The following SLC5A1 variants were observed in gnomAD, a reference collection of about 807,000 sequenced individuals.
SLC5A1 encodes solute carrier family 5 member 1.
SLC5A1 carries 42 observed loss-of-function variants against 73.5 expected under a neutral mutation model. The observed-to-expected ratio is 0.57, with a 90% confidence interval of 0.45 to 0.74. The LOEUF (loss-of-function observed/expected upper bound fraction) is 0.74, where lower values mean the gene tolerates loss of function less well. Among genes scored for constraint, SLC5A1 ranks in the 30% least tolerant of loss-of-function variants. The probability of loss-of-function intolerance (pLI) is 0.00; values close to 1 mark genes in which losing one functional copy is unlikely to be tolerated. For missense variants in SLC5A1, 634 were observed against 855.4 expected (o/e 0.74, Z 3.23); for synonymous variants, 300 against 317.4 (o/e 0.95, Z 0.58).
chr22:32,043,384 T>G lies in SLC5A1; in HGVS notation c.103T>G (p.Tyr35Asp). The change falls in exon 1 of 15, where the codon TAC becomes GAC. Residue 35 changes from tyrosine (Y) to aspartate (D), a missense_variant. This residue lies in a region of SLC5A1 where 51 missense variants were observed against 50.5 expected (regional missense o/e 1.01). Coordinates refer to ENST00000266088, the MANE Select transcript of SLC5A1 (RefSeq NM_000343.4). The surrounding 1 kb of genome is among the most constrained non-coding windows in gnomAD (Gnocchi z 6.5). ...AGCCGATATCTCCATCATCGTTATCTACTTCGTGGTAGTGATGGCCGTCGG... is the reference window on the plus strand; with the variant it reads ...AGCCGATATCTCCATCATCGTTATCGACTTCGTGGTAGTGATGGCCGTCGG... Reference protein sequence around the residue: ...NAADISIIVIYFVVVMAVGLW... With the variant: ...NAADISIIVIDFVVVMAVGLW... 6.2e-7 allele frequency: 1 copy of G among 1,614,160 alleles called. No homozygotes were observed. The highest frequency in any genetic ancestry group is 8.5e-7 in the Non-Finnish European group (1 of 1,180,020).
In SLC5A1 at chr22:32,086,257, A is replaced by G. The variant is rs1286517343; in HGVS notation, c.1059A>G (p.Lys353=). 1.2e-6 allele frequency: 2 copies of G among 1,614,108 alleles called. No homozygotes were observed. Among genetic ancestry groups the G allele is most frequent in the Non-Finnish European group, 8.5e-7 (1 of 1,179,948 alleles). Residue 353 remains lysine (K), a synonymous_variant, in exon 10 of 15, where the codon AAA becomes AAG. Transcript: ENST00000266088. The part of the protein sequence containing the change: ...IACVVPSECE[K]YCGTKVGCTN... ...GTGTCGTCCCTTCAGAATGTGAGAA[A>G]TATTGCGGTACCAAGGTTGGCTGTA...
intron 3 of SLC5A1, among the ~76,000 whole-genome samples, chr22:32,067,356 T>TATTATTATTATTA (rs879755326): frequency 9.3e-5 from 11 of 118,278 alleles, no homozygotes; most frequent in South Asian, 2.9e-4. Flanking sequence ...TTATTATTAT[T>TATTATTATTATTA]TTTTTTAAAA....
intron 3 of SLC5A1, among the ~76,000 whole-genome samples, chr22:32,067,278 T>TA (rs2093975183): frequency 6.6e-6 from 1 of 152,212 alleles, no homozygotes; most frequent in Non-Finnish European, 1.5e-5. Flanking sequence ...CTCTTCATGT[T>TA]AAAAAGCCAA....
Position 32,081,956 on chromosome 22 carries a change from C to T in SLC5A1, c.568C>T (p.Leu190Phe). The change falls in exon 6 of 15, where the codon CTT becomes TTT. Residue 190 changes from leucine (L) to phenylalanine (F), a missense_variant. Transcript: ENST00000266088. ...AIFLLLAITA[L>F]YTITGGLAAV... is the part of the protein sequence containing the mutation. ...CTTTCTCTTATTGGCAATCACTGCC[C>T]TTTACACAATTACAGGTGAGTCCAT... The T allele has an allele frequency of 6.2e-7, 1 of 1,609,444 alleles. No individual in the cohort carries two copies. Among genetic ancestry groups the T allele is most frequent in the Non-Finnish European group, 8.5e-7 (1 of 1,175,768 alleles).
chr22:32,085,136 G>A, intron 9 of SLC5A1, 101 bp downstream of exon 9: 3 of 1,407,316 alleles, frequency 2.1e-6, no homozygotes, highest in Non-Finnish European at 2.0e-6. Flanking sequence ...TTTTTTTTGA[G>A]ACCAGGTCTC....
chr22:32,050,060 C>A, intron 2 of SLC5A1, 46 bp downstream of exon 2: 1 of 1,489,720 alleles, frequency 6.7e-7, no homozygotes, highest in Non-Finnish European at 9.4e-7. Flanking sequence ...TTAACTGATA[C>A]TCCCTTTAGG....
intron 13 of SLC5A1, among the ~76,000 whole-genome samples, chr22:32,103,829 C>T (rs2094040586): frequency 6.6e-6 from 1 of 152,150 alleles, no homozygotes; most frequent in Admixed American, 6.5e-5. Context: ...GTTGCAATTA[C>T]TCTTCTTTAA....
intron 2 of SLC5A1, among the ~76,000 whole-genome samples, chr22:32,052,160 G>A (rs534179016): frequency 6.6e-6 from 1 of 152,230 alleles, no homozygotes; most frequent in South Asian, 2.1e-4. Flanking sequence ...CTGATCTTCT[G>A]GTTATTCAGG....
chr22:32,086,957 A>G (rs997440147), intron 10 of SLC5A1, among the ~76,000 whole-genome samples: 2 of 152,250 alleles, frequency 1.3e-5, no homozygotes, highest in Non-Finnish European at 2.9e-5. Context: ...GTCATTTATG[A>G]CAACATAAAT....
chr22:32,077,211 CTTCCTTCT>C (rs2149490545), intron 5 of SLC5A1, among the ~76,000 whole-genome samples: 1 of 150,916 alleles, frequency 6.6e-6, no homozygotes, highest in South Asian at 2.1e-4. Context: ...TCCCTCTTTC[CTTCCTTCT>C]TTCCTTCCTT....
At chr22:32,066,159 C>T (rs1258341661) in intron 2 of SLC5A1, among the ~76,000 whole-genome samples, 1 of 152,146 alleles carries the variant, frequency 6.6e-6, no homozygotes, top group Non-Finnish European at 1.5e-5. Flanking sequence ...TCTTATTCTC[C>T]TTTCCCCTTC....
At chr22:32,063,171 T>A (rs2093966401) in intron 2 of SLC5A1, among the ~76,000 whole-genome samples, 1 of 152,134 alleles carries the variant, frequency 6.6e-6, no homozygotes, top group Non-Finnish European at 1.5e-5. Flanking sequence ...AAAAGCCCTA[T>A]CTCCAAATAC....
chr22:32,096,260 G>T (rs2094026121), intron 11 of SLC5A1, among the ~76,000 whole-genome samples: 1 of 152,166 alleles, frequency 6.6e-6, no homozygotes, highest in Non-Finnish European at 1.5e-5. Flanking sequence ...CCCCTCTGGA[G>T]TTAGAAGGGA....
chr22:32,089,278 G>A (rs2094013149), intron 10 of SLC5A1, among the ~76,000 whole-genome samples: 1 of 152,024 alleles, frequency 6.6e-6, no homozygotes, highest in South Asian at 2.1e-4. Context: ...AACTCAGAAA[G>A]AGCCATTAAA....
At chr22:32,082,361 G>A (rs75547402) in intron 6 of SLC5A1, among the ~76,000 whole-genome samples, 4 of 152,264 alleles carry the variant, frequency 2.6e-5, no homozygotes, top group Admixed American at 2.0e-4. Context: ...CTGAAGGATC[G>A]TGGGGGTTTG....
intron 4 of SLC5A1, 67 bp from the exon 5 acceptor site, chr22:32,068,429 C>T: frequency 2.1e-6 from 2 of 958,218 alleles, no homozygotes; most frequent in Non-Finnish European, 3.4e-6. Context: ...GATGGTGTCA[C>T]TGTTCTGTCT....
At chr22:32,086,457 C>G in intron 10 of SLC5A1, 130 bp downstream of exon 10, 2 of 714,786 alleles carry the variant, frequency 2.8e-6, no homozygotes, top group Non-Finnish European at 5.1e-6. Context: ...GGGAAAGCAT[C>G]ATTGTGGGTG....
chr22:32,079,836 G>C (rs1352273030), intron 5 of SLC5A1, among the ~76,000 whole-genome samples: 3 of 152,204 alleles, frequency 2.0e-5, no homozygotes, highest in Non-Finnish European at 4.4e-5. Context: ...CCAGTGTGCA[G>C]AGTCAGGAAG....
At chr22:32,046,062 CCT>C (rs1406338060) in intron 1 of SLC5A1, among the ~76,000 whole-genome samples, 2 of 152,186 alleles carry the variant, frequency 1.3e-5, no homozygotes, top group Admixed American at 6.5e-5. Context: ...TTTACTGACC[CCT>C]GTCTTATGCA....
Sources: allele counts gnomAD v4.1 joint callset (sites outside exome capture counted in the v4.1 genomes callset), GRCh38; gene constraint gnomAD v4.1.1; regional missense constraint gnomAD v4.1.1; non-coding constraint Gnocchi (gnomAD v3.1); transcripts MANE v1.5; gene names NCBI Gene and HGNC (gene_info 2026-07-23, HGNC 2026-07-21).